Variants in R3HDM1 observed in about 807,000 individuals in gnomAD.
R3HDM1 encodes the protein R3H domain-containing protein 1.
A neutral mutation model predicts 141.1 loss-of-function variants in R3HDM1; 46 were observed. The observed-to-expected ratio is 0.33, with a 90% CI of 0.26 to 0.42. R3HDM1 has a LOEUF of 0.42. Among genes scored for constraint, R3HDM1 ranks in the 10% least tolerant of loss-of-function variants. The pLI is 1.00. For synonymous variants in R3HDM1, 435 were observed against 472.9 expected (o/e 0.92, Z 1.04); for missense variants, 1,184 against 1,368.3 (o/e 0.87, Z 2.12).
intron 19 of R3HDM1, chr2:135,670,581 A>G: frequency 4.3e-6 from 1 of 232,136 alleles, no homozygotes; most frequent in Non-Finnish European, 7.1e-6. Context: ...ATGAATATAT[A>G]TGTTGCCCTC....
In R3HDM1 at chr2:135,631,899, A is replaced by G; in HGVS notation, c.596A>G (p.His199Arg). 3 of 1,612,144 alleles carry G rather than the reference A, an allele frequency of 1.9e-6. No individual in the cohort carries two copies. The highest frequency in any genetic ancestry group is 2.5e-6 in the Non-Finnish European group (3 of 1,178,660). Reference sequence around the variant, plus strand: ...AAATTCCCCCCAATGACATCTTACCATAGGATGCTATTACACAGAGTAGCC... The same window carrying G: ...AAATTCCCCCCAATGACATCTTACCGTAGGATGCTATTACACAGAGTAGCC... ...RKKFPPMTSY[H>R]RMLLHRVAAY... Residue 199 changes from histidine (H) to arginine (R), a missense_variant, in exon 9 of 27, where the codon CAT becomes CGT. By Grantham distance (29) the His-to-Arg change is conservative (BLOSUM62 0). Transcript: ENST00000683871.
chr2:135,723,838 G>A (rs532482224), intron 26 of R3HDM1, 99 bp from the exon 27 acceptor site: 40 of 600,964 alleles, frequency 6.7e-5, no homozygotes, highest in African/African-American at 4.9e-4. Flanking sequence ...TTGTGTATTC[G>A]AATGGTCATT....
chr2:135,535,125 A>G (rs1695757262), intron 1 of R3HDM1, among the ~76,000 whole-genome samples: 1 of 152,210 alleles, frequency 6.6e-6, no homozygotes. Flanking sequence ...CTATTGCAGC[A>G]CCAAACCACA....
intron 1 of R3HDM1, among the ~76,000 whole-genome samples, chr2:135,553,515 A>T (rs1007248308): frequency 6.6e-6 from 1 of 152,232 alleles, no homozygotes; most frequent in Admixed American, 6.5e-5. Flanking sequence ...ATTCAGGAGC[A>T]TCAAAATATT....
chr2:135,689,894 C>T (rs367991157), intron 21 of R3HDM1, among the ~76,000 whole-genome samples: 4 of 152,208 alleles, frequency 2.6e-5, no homozygotes, highest in East Asian at 3.9e-4. Context: ...TCATTTTTAC[C>T]GGTTCTTCTC....
intron 7 of R3HDM1, chr2:135,623,187 T>C (rs922347773): frequency 2.6e-6 from 1 of 378,202 alleles, no homozygotes; most frequent in Non-Finnish European, 3.6e-6. Context: ...GTCAGTACTT[T>C]AATTGTGAAA....
At chr2:135,573,562 T>TAAG (rs1461276992) in intron 1 of R3HDM1, among the ~76,000 whole-genome samples, 1 of 149,926 alleles carries the variant, frequency 6.7e-6, no homozygotes, top group East Asian at 2.0e-4. Flanking sequence ...CCAAATAGAA[T>TAAG]AAGAGTAGGG....
chr2:135,558,924 C>A, intron 1 of R3HDM1: 1 of 810,378 alleles, frequency 1.2e-6, no homozygotes, highest in Non-Finnish European at 1.5e-6. Flanking sequence ...GTTTTCTTCT[C>A]TGAAAGTCAA....
chr2:135,668,419 T>C (rs1019885696), intron 19 of R3HDM1, among the ~76,000 whole-genome samples: 1 of 152,214 alleles, frequency 6.6e-6, no homozygotes, highest in African/African-American at 2.4e-5. Context: ...TTAGAATGAG[T>C]GATAAAACAT....
Position 135,724,337 on chromosome 2 carries a change from C to T in R3HDM1, c.*45C>T, listed in dbSNP as rs1332652082. ...CGCCTTTATGGTTCCCCTGCCCTCT[C>T]CCATCTTTGATTGGCTTGGTATTTG... On this transcript the variant is annotated 3_prime_UTR_variant, in exon 27 of 27. Coordinates refer to ENST00000683871, the MANE Select transcript of R3HDM1 (RefSeq NM_001378107.1). 1.4e-6 allele frequency: 2 copies of T among 1,399,694 alleles called. No individual in the cohort carries two copies. The highest frequency in any genetic ancestry group is 2.0e-5 in the Admixed American group (1 of 50,208). 86.7% of individuals were successfully genotyped at this position (1,399,694 alleles called of 1,614,324 possible).
chr2:135,703,951 T>C (rs2105418943), intron 21 of R3HDM1, among the ~76,000 whole-genome samples: 1 of 152,308 alleles, frequency 6.6e-6, no homozygotes, highest in African/African-American at 2.4e-5. Flanking sequence ...TAGTTGAGCA[T>C]CTGACCTGCA....
chr2:135,690,885 T>TA (rs2072268568), intron 21 of R3HDM1, among the ~76,000 whole-genome samples: 1 of 152,176 alleles, frequency 6.6e-6, no homozygotes, highest in South Asian at 2.1e-4. Context: ...GTGATAATGG[T>TA]AATACTTTGG....
At chr2:135,723,831 T>G in intron 26 of R3HDM1, 106 bp from the exon 27 acceptor site, 6 of 689,416 alleles carry the variant, frequency 8.7e-6, no homozygotes, top group Admixed American at 2.8e-5. Flanking sequence ...TTTAATTTTG[T>G]GTATTCGAAT....
chr2:135,554,037 T>C (rs909707989), intron 1 of R3HDM1, among the ~76,000 whole-genome samples: 13 of 152,256 alleles, frequency 8.5e-5, no homozygotes, highest in African/African-American at 3.1e-4. Context: ...TCGTGTACTG[T>C]AAAATTAACC....
chr2:135,704,437 C>T (rs1440810770), intron 21 of R3HDM1, among the ~76,000 whole-genome samples: 3 of 151,120 alleles, frequency 2.0e-5, no homozygotes, highest in African/African-American at 7.3e-5. Context: ...TTTCAAAAAG[C>T]ATTTTAAAGT....
chr2:135,701,446 G>A (rs1033916484), intron 21 of R3HDM1, among the ~76,000 whole-genome samples: 1 of 152,066 alleles, frequency 6.6e-6, no homozygotes, highest in African/African-American at 2.4e-5. Context: ...ACATATAAAT[G>A]TACTCATCCT....
chr2:135,578,021 A>G (rs991762352), intron 1 of R3HDM1, among the ~76,000 whole-genome samples: 2 of 152,124 alleles, frequency 1.3e-5, no homozygotes, highest in African/African-American at 2.4e-5. Context: ...TGACATATGC[A>G]CTTATCTTTT....
At chr2:135,587,006 C>CT in intron 1 of R3HDM1, 1 of 982,394 alleles carries the variant, frequency 1.0e-6, no homozygotes, top group East Asian at 1.1e-4. Context: ...GTTTTCTACC[C>CT]TTTTGGGGGA....
chr2:135,711,624 C>T (rs896690047), intron 23 of R3HDM1, among the ~76,000 whole-genome samples: 15 of 145,474 alleles, frequency 1.0e-4, no homozygotes, highest in Non-Finnish European at 1.8e-4. Context: ...CATGCCACTG[C>T]GCTGCCCCCT....
Sources: allele counts gnomAD v4.1 joint callset (sites outside exome capture counted in the v4.1 genomes callset), GRCh38; gene constraint gnomAD v4.1.1; transcripts MANE v1.5; gene names NCBI Gene and HGNC (gene_info 2026-07-23, HGNC 2026-07-21).